Variants in GRIA2 observed in about 807,000 individuals in gnomAD.
GRIA2 encodes glutamate ionotropic receptor AMPA type subunit 2, also known as glutamate receptor 2.
GRIA2 carries 14 observed loss-of-function variants against 97.3 expected under a neutral mutation model. The ratio of observed to expected loss-of-function variants is 0.14; its 90% CI spans 0.10 to 0.23. The LOEUF (loss-of-function observed/expected upper bound fraction) is 0.23, where lower values mean the gene tolerates loss of function less well. Among genes scored for constraint, GRIA2 ranks in the 10% least tolerant of loss-of-function variants. The pLI, the probability that GRIA2 is intolerant of heterozygous loss-of-function variation, is 1.00. For missense variants in GRIA2, 558 were observed against 1,069.8 expected, an observed-to-expected ratio of 0.52 and a Z score of 6.67; for synonymous variants, 412 against 387.8, an observed-to-expected ratio of 1.06 and a Z score of -0.73.
intron 2 of GRIA2, among the ~76,000 whole-genome samples, chr4:157,288,965 T>G (rs1732968379): frequency 6.6e-6 from 1 of 151,808 alleles, no homozygotes; most frequent in Non-Finnish European, 1.5e-5. Flanking sequence ...GGGTGAAATA[T>G]TTAAAAAATC....
chr4:157,283,407 C>A (rs1732697484), intron 2 of GRIA2, among the ~76,000 whole-genome samples: 1 of 151,592 alleles, frequency 6.6e-6, no homozygotes, highest in Non-Finnish European at 1.5e-5. Flanking sequence ...TGAGGAAGAC[C>A]CACAAAGGAA....
At chr4:157,282,500 G>A (rs1732651127) in intron 2 of GRIA2, among the ~76,000 whole-genome samples, 1 of 151,998 alleles carries the variant, frequency 6.6e-6, no homozygotes, top group South Asian at 2.1e-4. Flanking sequence ...ATAGTGTGGG[G>A]GATTGTTGAC....
At chr4:157,319,150 T>A (rs1385359850) in intron 5 of GRIA2, among the ~76,000 whole-genome samples, 1 of 151,960 alleles carries the variant, frequency 6.6e-6, no homozygotes, top group Non-Finnish European at 1.5e-5. Context: ...GAAACAAGAG[T>A]TAAACTAGAT....
chr4:157,309,805 A>G lies in GRIA2; in HGVS notation c.470-2874A>G, dbSNP rs567028284. 2.6e-5 allele frequency among the ~76,000 whole-genome samples: 4 copies of G among 152,278 alleles called. No homozygotes were observed. In the East Asian group the frequency reaches 7.7e-4, roughly 29 times the overall value. On this transcript the variant is annotated intron_variant, in intron 3 of 15. Transcript: ENST00000264426. ...GAGACATAATATTAAGAGCATTACC[A>G]CTTGAAATTGTATTATATAGTATGC...
chr4:157,331,642 G>A (rs945441206), intron 6 of GRIA2, among the ~76,000 whole-genome samples: 7 of 152,092 alleles, frequency 4.6e-5, no homozygotes, highest in Middle Eastern at 6.8e-3. Context: ...TTAAGTAGAT[G>A]TCCTGTATTG....
intron 2 of GRIA2, among the ~76,000 whole-genome samples, chr4:157,252,605 C>T (rs1348146179): frequency 6.6e-6 from 1 of 152,126 alleles, no homozygotes; most frequent in Non-Finnish European, 1.5e-5. Context: ...ATTATGGCAA[C>T]ATTTGGGTCA....
chr4:157,234,891 G>T lies in GRIA2; in HGVS notation c.229+13084G>T, dbSNP rs151054892. On this transcript the variant is annotated intron_variant, in intron 2 of 15. Coordinates refer to ENST00000264426, the MANE Select transcript of GRIA2 (RefSeq NM_001083619.3). ...ATGTGCAGTTGTGCGGGGTGGTTGG[G>T]GGAAGATTTTTACTTACTGACAATG... 5.8e-3 allele frequency among the ~76,000 whole-genome samples: 884 copies of T among 152,092 alleles called. 9 individuals carry two copies. Among genetic ancestry groups the T allele is most frequent in the African/African-American group, 0.02 (813 of 41,512 alleles).
chr4:157,354,966 C>T (rs1411247575), intron 12 of GRIA2, among the ~76,000 whole-genome samples: 1 of 152,142 alleles, frequency 6.6e-6, no homozygotes, highest in African/African-American at 2.4e-5. Context: ...TTAATTCTAA[C>T]TGTGCATGCA....
At chr4:157,241,072 G>A (rs1579297065) in intron 2 of GRIA2, among the ~76,000 whole-genome samples, 2 of 152,238 alleles carry the variant, frequency 1.3e-5, no homozygotes, top group African/African-American at 4.8e-5. Context: ...GTATTCCAAG[G>A]TGTATATGTG....
chr4:157,355,827 A>T (rs1213945099), intron 12 of GRIA2, among the ~76,000 whole-genome samples: 1 of 75,356 alleles, frequency 1.3e-5, no homozygotes, highest in Non-Finnish European at 2.5e-5. Context: ...ATATATATTT[A>T]TATATATTTT....
At chr4:157,331,341 T>G (rs1023669463) in intron 6 of GRIA2, among the ~76,000 whole-genome samples, 1 of 151,944 alleles carries the variant, frequency 6.6e-6, no homozygotes, top group Non-Finnish European at 1.5e-5. Context: ...GTAGACGGCT[T>G]TATAGCTTTC....
intron 12 of GRIA2, among the ~76,000 whole-genome samples, chr4:157,344,017 A>G (rs553749692): frequency 8.0e-4 from 122 of 152,204 alleles, no homozygotes; most frequent in Non-Finnish European, 1.1e-3. Context: ...AACTGTATCC[A>G]TCCAGTATCA....
At chr4:157,274,710 A>T (rs28868105) in intron 2 of GRIA2, among the ~76,000 whole-genome samples, 53,565 of 150,036 alleles carry the variant, frequency 0.36, 10,082 homozygotes, top group African/African-American at 0.47. Context: ...TCATTTTTTA[A>T]GGCTGCATAG....
At chr4:157,342,624 G>A (rs7695870) in intron 12 of GRIA2, 30,942 of 186,854 alleles carry the variant, frequency 0.17, 4,277 homozygotes, top group African/African-American at 0.42. Context: ...ATGAATACTC[G>A]GTTTAAAAAT....
At chr4:157,351,959 T>C (rs1252302553) in intron 12 of GRIA2, among the ~76,000 whole-genome samples, 2 of 152,234 alleles carry the variant, frequency 1.3e-5, no homozygotes, top group Non-Finnish European at 2.9e-5. Context: ...TGTAACAGTA[T>C]GAAAACGAAC....
chr4:157,342,507 T>C, intron 12 of GRIA2: 6 of 958,958 alleles, frequency 6.3e-6, no homozygotes, highest in Non-Finnish European at 7.4e-6. Flanking sequence ...ATGTGGACCA[T>C]CAGCAGCTTT....
chr4:157,310,726 A>T (rs12331234), intron 3 of GRIA2, among the ~76,000 whole-genome samples: 3 of 151,970 alleles, frequency 2.0e-5, no homozygotes, highest in African/African-American at 7.2e-5. Context: ...AATGAGATCC[A>T]TATATCGCAA....
chr4:157,321,090 C>T (rs1312624348), intron 5 of GRIA2, among the ~76,000 whole-genome samples: 1 of 152,044 alleles, frequency 6.6e-6, no homozygotes, highest in African/African-American at 2.4e-5. Context: ...TGTCTGTAAC[C>T]ACATGGTGGT....
At chr4:157,280,568 A>AG (rs1732548303) in intron 2 of GRIA2, among the ~76,000 whole-genome samples, 1 of 152,032 alleles carries the variant, frequency 6.6e-6, no homozygotes, top group South Asian at 2.1e-4. Flanking sequence ...AGGTTCACTT[A>AG]GGGGTCTGCA....
Sources: allele counts gnomAD v4.1 joint callset (sites outside exome capture counted in the v4.1 genomes callset), GRCh38; gene constraint gnomAD v4.1.1; transcripts MANE v1.5; gene names NCBI Gene and HGNC (gene_info 2026-07-23, HGNC 2026-07-21).